RIC1: variants seen among roughly 807,000 people sequenced by gnomAD.
RIC1 encodes guanine nucleotide exchange factor subunit RIC1.
In RIC1, 88 loss-of-function variants were observed where a neutral mutation model predicts 169.0. The ratio of observed to expected loss-of-function variants is 0.52; its 90% confidence interval spans 0.44 to 0.62. The LOEUF (loss-of-function observed/expected upper bound fraction) is 0.62. Ranked by LOEUF, RIC1 falls within the 20% of genes least tolerant of loss-of-function variation. The pLI is 0.00. For missense variants in RIC1, 1,877 were observed against 1,725.5 expected (o/e 1.09, Z -1.56); for synonymous variants, 790 against 601.5 (o/e 1.31, Z -4.59).
Position 5,629,196 on chromosome 9 carries a change from T to G in RIC1, c.-114T>G, listed in dbSNP as rs1817594937. The G allele has an allele frequency of 1.8e-6, 2 of 1,119,548 alleles. No homozygotes were observed. Among genetic ancestry groups the G allele is most frequent in the Non-Finnish European group, 1.1e-6 (1 of 872,556 alleles). The allele number at this position is 1,119,548 out of a possible 1,614,324, so 69.4% of individuals were successfully genotyped here. On this transcript the variant is annotated 5_prime_UTR_variant, in exon 1 of 26. Coordinates refer to ENST00000414202, the MANE Select transcript of RIC1 (RefSeq NM_020829.4). ...AGGCCAGCGGGCAGATGCCCCGAGC[T>G]GCCGCCGCCGCCGCCGCCGACTCGG...
At chr9:5,711,871 C>T (rs139940790) in intron 3 of RIC1, among the ~76,000 whole-genome samples, 3 of 152,238 alleles carry the variant, frequency 2.0e-5, no homozygotes, top group African/African-American at 7.2e-5. Flanking sequence ...TGATGGTTTC[C>T]AGCTTCATCT....
Position 5,703,950 on chromosome 9 carries a change from A to G in RIC1, c.333-9946A>G, listed in dbSNP as rs2130785482. ...AGGTTACATGGTAATTCTATGTTTAACTTTTTGAGAAACTGCCAGACTGTT... is the reference window on the plus strand; with the variant it reads ...AGGTTACATGGTAATTCTATGTTTAGCTTTTTGAGAAACTGCCAGACTGTT... On this transcript the variant is annotated intron_variant, in intron 3 of 25. Transcript: ENST00000414202. Among the ~76,000 whole-genome samples, 3 of 152,198 alleles carry G rather than the reference A, an allele frequency of 2.0e-5. No homozygotes were observed. In the Middle Eastern group the frequency reaches 0.01, roughly 518 times the overall value.
rs1257621185 is a variant in RIC1, at chr9:5,775,446, A to G, written c.*1200A>G. 6.6e-6 allele frequency: 1 copy of G among 152,224 alleles called. No homozygotes were observed. The highest frequency in any genetic ancestry group is 1.5e-5 in the Non-Finnish European group (1 of 68,028). The allele number at this position is 152,224 out of a possible 1,614,324, so 9.4% of individuals were successfully genotyped here. On this transcript the variant is annotated 3_prime_UTR_variant, in exon 26 of 26. Transcript: ENST00000414202. ...TTCTAATTACCTTATAACAGTATTA[A>G]GACAGCTTGTTTGTACTGTGCAATT...
chr9:5,635,186 C>G (rs1817912332), intron 1 of RIC1, among the ~76,000 whole-genome samples: 1 of 152,118 alleles, frequency 6.6e-6, no homozygotes, highest in South Asian at 2.1e-4. Context: ...TGCTGTGTTG[C>G]CCAGGCCGGT....
chr9:5,649,523 G>A (rs1818691404), intron 1 of RIC1, among the ~76,000 whole-genome samples: 1 of 152,022 alleles, frequency 6.6e-6, no homozygotes, highest in South Asian at 2.1e-4. Flanking sequence ...GAGGATTTCT[G>A]TTTGGTTCCT....
intron 12 of RIC1, among the ~76,000 whole-genome samples, chr9:5,750,704 C>A (rs1022432343): frequency 6.6e-6 from 1 of 151,794 alleles, no homozygotes; most frequent in African/African-American, 2.4e-5. Context: ...TGTACCTTAG[C>A]ACTCAGTTTT....
chr9:5,716,789 C>T (rs1823274035), intron 4 of RIC1, among the ~76,000 whole-genome samples: 1 of 152,140 alleles, frequency 6.6e-6, no homozygotes, highest in Non-Finnish European at 1.5e-5. Flanking sequence ...GGTCTATTTA[C>T]CAACATTTAT....
chr9:5,747,498 T>C lies in RIC1; in HGVS notation c.1445T>C (p.Val482Ala), dbSNP rs771479300. The C allele has an allele frequency of 1.2e-6, 2 of 1,613,212 alleles. No homozygotes were observed. The highest frequency in any genetic ancestry group is 1.7e-6 in the Non-Finnish European group (2 of 1,179,116). Residue 482 changes from valine (V) to alanine (A), a missense_variant, in exon 12 of 26, where the codon GTT becomes GCT. Val to Ala is a moderately conservative substitution (Grantham distance 64). Around this residue, in one of 3 missense-constraint regions of RIC1, gnomAD observed 1,104 missense variants for 992.0 expected, o/e 1.11. Coordinates refer to ENST00000414202, the MANE Select transcript of RIC1 (RefSeq NM_020829.4). The stretch of plus-strand genomic sequence containing the variant: ...TTACTTGGACATCGGCATTGGCATG[T>C]TGTACAGGTAAATCTTTAGTTACTG... ...STLLGHRHWH[V>A]VQISSTYLES...
intron 10 of RIC1, among the ~76,000 whole-genome samples, chr9:5,744,114 T>C (rs1025395243): frequency 6.6e-5 from 10 of 151,658 alleles, no homozygotes; most frequent in Non-Finnish European, 1.0e-4. Context: ...TGAAAGTCTT[T>C]TGTTTTTTTT....
Position 5,774,451 on chromosome 9 carries a change from T to C in RIC1, c.*205T>C. 1 of 457,336 alleles carries C rather than the reference T, an allele frequency of 2.2e-6. No individual in the cohort carries two copies. The highest frequency in any genetic ancestry group is 6.8e-5 in the South Asian group (1 of 14,708). 28.3% of individuals were successfully genotyped at this position (457,336 alleles called of 1,614,324 possible). A position where few individuals can be genotyped will look rare whatever the true frequency, so the allele number is the denominator to read the frequency against. ...ATATAAAGCATCTTTCATAAAAAAA[T>C]TTTAAGCTGCAGTGAAAAGTAAATA... On this transcript the variant is annotated 3_prime_UTR_variant, in exon 26 of 26. Transcript: ENST00000414202.
Position 5,743,026 on chromosome 9 carries a change from A to G in RIC1, c.1046+13A>G. 1 of 1,598,714 alleles carries G rather than the reference A, an allele frequency of 6.3e-7. No individual in the cohort carries two copies. The highest frequency in any genetic ancestry group is 8.5e-7 in the Non-Finnish European group (1 of 1,175,756). On this transcript the variant is annotated intron_variant, in intron 9 of 25. Coordinates refer to ENST00000414202, the MANE Select transcript of RIC1 (RefSeq NM_020829.4). ...GAGGAGATTTTGCGTAAGTCAAAAA[A>G]GACAATTTTTAGATAAAATAACTCC...
intron 2 of RIC1, among the ~76,000 whole-genome samples, chr9:5,671,359 C>G (rs2130568006): frequency 6.6e-6 from 1 of 151,704 alleles, no homozygotes; most frequent in South Asian, 2.1e-4. Flanking sequence ...ACTGCAACCT[C>G]CGCCTCCCAG....
intron 3 of RIC1, among the ~76,000 whole-genome samples, chr9:5,695,230 T>A (rs1821818834): frequency 6.6e-6 from 1 of 152,322 alleles, no homozygotes; most frequent in South Asian, 2.1e-4. Context: ...GTATGAAAAT[T>A]CATAAGAAGA....
At chr9:5,640,560 A>G (rs933706155) in intron 1 of RIC1, among the ~76,000 whole-genome samples, 1 of 152,204 alleles carries the variant, frequency 6.6e-6, no homozygotes, top group African/African-American at 2.4e-5. Context: ...TAACACTTAT[A>G]AAATAAGAAT....
At chr9:5,684,661 A>C (rs936006113) in intron 2 of RIC1, among the ~76,000 whole-genome samples, 1 of 152,150 alleles carries the variant, frequency 6.6e-6, no homozygotes, top group Admixed American at 6.5e-5. Context: ...AAATGACCAT[A>C]TCAAAAACAG....
At chr9:5,634,547 A>G (rs1817877336) in intron 1 of RIC1, among the ~76,000 whole-genome samples, 1 of 151,734 alleles carries the variant, frequency 6.6e-6, no homozygotes, top group South Asian at 2.1e-4. Context: ...TCCATTTTTA[A>G]ATTAGGTTAT....
At chr9:5,681,790 A>T (rs1691628916) in intron 2 of RIC1, among the ~76,000 whole-genome samples, 1 of 152,114 alleles carries the variant, frequency 6.6e-6, no homozygotes, top group South Asian at 2.1e-4. Flanking sequence ...GTCTCTTTGT[A>T]GGTCAGCAAG....
chr9:5,754,754 G>T lies in RIC1; in HGVS notation c.1603-87G>T, dbSNP rs1211070853. ...AAAAAATAATAATAATTTGAGCTTT[G>T]TCTGGGTAAGAATTTTTATAAATAT... On this transcript the variant is annotated intron_variant, in intron 14 of 25. Coordinates refer to ENST00000414202, the MANE Select transcript of RIC1 (RefSeq NM_020829.4). 12 of 778,174 alleles carry T rather than the reference G, an allele frequency of 1.5e-5. No homozygotes were observed. The East Asian group carries it at 3.2e-4, about 21-fold the overall frequency. The allele number at this position is 778,174 out of a possible 1,614,324, so 48.2% of individuals were successfully genotyped here.
chr9:5,732,247 A>T (rs1824414090), intron 6 of RIC1, 141 bp from the exon 7 acceptor site: 1 of 629,266 alleles, frequency 1.6e-6, no homozygotes, highest in African/African-American at 1.9e-5. Context: ...CTATTGTGGT[A>T]GTCCTGGTGG....
Sources: allele counts gnomAD v4.1 joint callset (sites outside exome capture counted in the v4.1 genomes callset), GRCh38; gene constraint gnomAD v4.1.1; regional missense constraint gnomAD v4.1.1; transcripts MANE v1.5; gene names NCBI Gene and HGNC (gene_info 2026-07-23, HGNC 2026-07-21).